The following CENPP variants were observed in gnomAD, a reference collection of about 807,000 sequenced individuals.
CENPP encodes the protein centromere protein P.
A neutral mutation model predicts 35.6 loss-of-function variants in CENPP; 24 were observed. That is an observed-to-expected ratio of 0.67 (90% confidence interval 0.49 to 0.95). CENPP has a LOEUF of 0.95. CENPP is among the 40% of genes least tolerant of loss of function. CENPP has a pLI of 0.00. For synonymous variants in CENPP, 120 were observed against 125.5 expected (o/e 0.96, Z 0.29); for missense variants, 332 against 345.3 (o/e 0.96, Z 0.31).
At chr9:92,380,601 G>A (rs1023144130) in intron 5 of CENPP, among the ~76,000 whole-genome samples, 1 of 152,144 alleles carries the variant, frequency 6.6e-6, no homozygotes, top group Non-Finnish European at 1.5e-5. Context: ...ATTTGGTTGA[G>A]CTAATAAAAT....
chr9:92,344,329 A>T (rs1042585621), intron 3 of CENPP, among the ~76,000 whole-genome samples: 1 of 152,176 alleles, frequency 6.6e-6, no homozygotes, highest in Non-Finnish European at 1.5e-5. Context: ...TCTAACATGT[A>T]TCTACACATA....
Position 92,476,845 on chromosome 9 carries a change from C to G in CENPP, c.564+96986C>G, listed in dbSNP as rs1845729856. 6.6e-6 allele frequency among the ~76,000 whole-genome samples: 1 copy of G among 152,190 alleles called. No homozygotes were observed. The highest frequency in any genetic ancestry group is 6.5e-5 in the Admixed American group (1 of 15,280). On this transcript the variant is annotated intron_variant, in intron 5 of 7. Transcript: ENST00000375587. The surrounding 1 kb of genome is among the most constrained non-coding windows in gnomAD (Gnocchi z 4.1). ...GGCTCATGTGTCCCAACTCCCTGTT[C>G]TGTGCTGCCTTCTGCTCCAGCTCAT...
At chr9:92,539,744 T>TA (rs1017109220) in intron 5 of CENPP, among the ~76,000 whole-genome samples, 29 of 152,178 alleles carry the variant, frequency 1.9e-4, no homozygotes, top group African/African-American at 7.0e-4. Flanking sequence ...ACTAAAGTGT[T>TA]ACAGTTGCTT....
intron 5 of CENPP, among the ~76,000 whole-genome samples, chr9:92,427,410 G>A (rs1213188588): frequency 2.0e-5 from 3 of 152,118 alleles, no homozygotes; most frequent in Non-Finnish European, 4.4e-5. Flanking sequence ...TGATCCGCCC[G>A]CCTCAGCCTC....
At chr9:92,585,455 T>A (rs1445917373) in intron 5 of CENPP, among the ~76,000 whole-genome samples, 1 of 152,202 alleles carries the variant, frequency 6.6e-6, no homozygotes, top group Non-Finnish European at 1.5e-5. Flanking sequence ...CTGTACCAAA[T>A]AAAGCTGCTG....
At chr9:92,471,616 A>G (rs1845518817) in intron 5 of CENPP, among the ~76,000 whole-genome samples, 1 of 151,902 alleles carries the variant, frequency 6.6e-6, no homozygotes, top group Non-Finnish European at 1.5e-5. Flanking sequence ...TAACTTCTCT[A>G]ATTAGTTGTA....
chr9:92,425,473 A>G (rs1342347446), intron 5 of CENPP, among the ~76,000 whole-genome samples: 1 of 152,168 alleles, frequency 6.6e-6, no homozygotes, highest in Non-Finnish European at 1.5e-5. Context: ...TAATTTTTAC[A>G]CTGTTCTCAT....
chr9:92,607,078 C>A (rs369940313), intron 5 of CENPP, among the ~76,000 whole-genome samples: 1 of 152,106 alleles, frequency 6.6e-6, no homozygotes, highest in South Asian at 2.1e-4. Flanking sequence ...ACATAAAAGA[C>A]CATATGTAAT....
At chr9:92,329,840 T>A (rs34361900) in intron 1 of CENPP, among the ~76,000 whole-genome samples, 5,374 of 152,294 alleles carry the variant, frequency 0.035, 133 homozygotes, top group Middle Eastern at 0.075. Context: ...CTGTGCCCAA[T>A]CTGTTCTTTT....
intron 4 of CENPP, among the ~76,000 whole-genome samples, chr9:92,360,707 T>C (rs1276575531): frequency 6.6e-6 from 1 of 152,016 alleles, no homozygotes; most frequent in Non-Finnish European, 1.5e-5. Flanking sequence ...TTTTATTTAT[T>C]TATTATTATT....
intron 5 of CENPP, chr9:92,385,632 C>A (rs1842386828): frequency 6.2e-7 from 1 of 1,613,924 alleles, no homozygotes; most frequent in Non-Finnish European, 8.5e-7. Flanking sequence ...AAAAGTATGA[C>A]CCTATCGGTA....
chr9:92,374,479 T>C (rs1255844804), intron 4 of CENPP, among the ~76,000 whole-genome samples: 1 of 152,200 alleles, frequency 6.6e-6, no homozygotes, highest in African/African-American at 2.4e-5. Context: ...CTTTAGTTAT[T>C]TTCTTACTGG....
At chr9:92,407,865 T>A (rs1843348746) in intron 5 of CENPP, among the ~76,000 whole-genome samples, 1 of 152,186 alleles carries the variant, frequency 6.6e-6, no homozygotes, top group Non-Finnish European at 1.5e-5. Flanking sequence ...CACCTTGGCC[T>A]CTGTGGAGTT....
At chr9:92,348,323 T>C (rs1372793989) in intron 4 of CENPP, among the ~76,000 whole-genome samples, 1 of 152,018 alleles carries the variant, frequency 6.6e-6, no homozygotes, top group African/African-American at 2.4e-5. Flanking sequence ...ATTTCTTTAT[T>C]TCATTCTTCA....
rs117161319 is a variant in CENPP at position 92,518,615 on chromosome 9, G to C, written c.565-92699G>C. 2.1e-3 allele frequency among the ~76,000 whole-genome samples: 325 copies of C among 152,252 alleles called. 2 individuals carry two copies. Among genetic ancestry groups the C allele is most frequent in the Non-Finnish European group, 2.5e-3 (167 of 68,018 alleles). ...TCACCCTTTTGAAGTGTATAATACT[G>C]TCTGGGCACGGTGGCTCATGCCTGT... On this transcript the variant is annotated intron_variant, in intron 5 of 7. Coordinates refer to ENST00000375587, the MANE Select transcript of CENPP (RefSeq NM_001012267.3).
chr9:92,347,016 T>C (rs188705328), intron 4 of CENPP, among the ~76,000 whole-genome samples: 393 of 137,244 alleles, frequency 2.9e-3, no homozygotes, highest in South Asian at 5.6e-3. Context: ...GAGGTGGGGG[T>C]GGGAGATATA....
chr9:92,526,886 G>A (rs1341123678), intron 5 of CENPP, among the ~76,000 whole-genome samples: 1 of 152,118 alleles, frequency 6.6e-6, no homozygotes, highest in Non-Finnish European at 1.5e-5. Context: ...CTGACTCACC[G>A]GAGTGACTTC....
intron 5 of CENPP, among the ~76,000 whole-genome samples, chr9:92,445,711 CTG>C (rs1042053121): frequency 6.6e-6 from 1 of 152,056 alleles, no homozygotes; most frequent in Non-Finnish European, 1.5e-5. Flanking sequence ...TGGTAAAACC[CTG>C]TCTCTACTAA....
chr9:92,350,330 C>T (rs1436063215), intron 4 of CENPP, among the ~76,000 whole-genome samples: 1 of 152,200 alleles, frequency 6.6e-6, no homozygotes, highest in Non-Finnish European at 1.5e-5. Flanking sequence ...TACAGTCATT[C>T]TTACAGCTGT....
Sources: allele counts gnomAD v4.1 joint callset (sites outside exome capture counted in the v4.1 genomes callset), GRCh38; gene constraint gnomAD v4.1.1; non-coding constraint Gnocchi (gnomAD v3.1); transcripts MANE v1.5; gene names NCBI Gene and HGNC (gene_info 2026-07-23, HGNC 2026-07-21).